The following STPG2 variants were observed in gnomAD, a reference collection of about 807,000 sequenced individuals.
STPG2 encodes sperm tail PG-rich repeat containing 2, also known as sperm-tail PG-rich repeat-containing protein 2.
A neutral mutation model predicts 54.2 loss-of-function variants in STPG2; 56 were observed. That is an observed-to-expected ratio of 1.03 (90% CI 0.83 to 1.29). STPG2 has a LOEUF of 1.29. Among genes scored for constraint, STPG2 ranks in the 50% most tolerant of loss-of-function variants. The pLI is 0.00. For synonymous variants in STPG2, 200 were observed against 181.8 expected, an observed-to-expected ratio of 1.10 and a Z score of -0.81; for missense variants, 596 against 544.9, an observed-to-expected ratio of 1.09 and a Z score of -0.93.
In STPG2 at chr4:98,103,345, A is replaced by G. The variant is rs925076063; in HGVS notation, c.612+2608T>C. On this transcript the variant is annotated intron_variant, in intron 5 of 10. Transcript: ENST00000295268. ...ACTAACCTATCATGACCATCTTTCT[A>G]TAAAAATATTTCAGGGCTGGGCGTG... Among the ~76,000 whole-genome samples the G allele has an allele frequency of 1.2e-4, 19 of 152,214 alleles. No individual in the cohort carries two copies. In the South Asian group the frequency reaches 3.7e-3, roughly 30 times the overall value.
intron 5 of STPG2, among the ~76,000 whole-genome samples, chr4:98,055,881 C>G (rs1371656948): frequency 6.6e-6 from 1 of 152,126 alleles, no homozygotes; most frequent in Non-Finnish European, 1.5e-5. Flanking sequence ...TTTGAATGCT[C>G]TGGGAGCCCA....
intron 4 of STPG2, among the ~76,000 whole-genome samples, chr4:97,450,144 C>T (rs894485009): frequency 1.2e-4 from 18 of 151,958 alleles, no homozygotes; most frequent in Middle Eastern, 3.4e-3. Context: ...CATATAAGTC[C>T]GATTGCTTAG....
intron 10 of STPG2, among the ~76,000 whole-genome samples, chr4:97,643,409 G>T (rs1235314334): frequency 6.6e-6 from 1 of 151,548 alleles, no homozygotes; most frequent in Non-Finnish European, 1.5e-5. Flanking sequence ...GCAGTTTCCT[G>T]ATGCATATCA....
chr4:97,696,375 A>C (rs1311013626), intron 10 of STPG2, among the ~76,000 whole-genome samples: 6 of 152,234 alleles, frequency 3.9e-5, no homozygotes, highest in Admixed American at 3.9e-4. Context: ...AAATAAACTC[A>C]AGATGGATCA....
At chr4:97,958,274 C>T (rs774672381) in intron 7 of STPG2, among the ~76,000 whole-genome samples, 1 of 151,460 alleles carries the variant, frequency 6.6e-6, no homozygotes, top group Non-Finnish European at 1.5e-5. Flanking sequence ...TGAGCCACTG[C>T]ACTCCAGCCT....
chr4:98,088,360 A>G (rs1738588113), intron 5 of STPG2, among the ~76,000 whole-genome samples: 1 of 152,028 alleles, frequency 6.6e-6, no homozygotes, highest in East Asian at 1.9e-4. Context: ...TCATTCACCA[A>G]ATGTTTAAAG....
At chr4:97,614,831 C>T (rs990530880) in intron 10 of STPG2, among the ~76,000 whole-genome samples, 1 of 152,098 alleles carries the variant, frequency 6.6e-6, no homozygotes, top group Non-Finnish European at 1.5e-5. Flanking sequence ...AAAGTTTTTG[C>T]TCAACTTTAA....
intron 2 of STPG2, among the ~76,000 whole-genome samples, chr4:98,128,944 G>A (rs1476857316): frequency 1.3e-5 from 2 of 152,028 alleles, no homozygotes; most frequent in South Asian, 2.1e-4. Context: ...ATGTTGGCCA[G>A]GCTGGTCTCG....
intron 5 of STPG2, chr4:98,025,801 G>A (rs189596109): frequency 1.6e-4 from 249 of 1,581,476 alleles, no homozygotes; most frequent in Admixed American, 1.3e-3. Context: ...ATGGTCCGCC[G>A]GGTGCCTTTA....
rs370101364 is a variant in STPG2, at chr4:98,100,682, T to G, written c.612+5271A>C. Among the ~76,000 whole-genome samples, 66 of 146,240 alleles carry G rather than the reference T, an allele frequency of 4.5e-4. 1 individual carries two copies. The East Asian group carries it at 8.0e-3, about 18-fold the overall frequency. On this transcript the variant is annotated intron_variant, in intron 5 of 10. Coordinates refer to ENST00000295268, the MANE Select transcript of STPG2 (RefSeq NM_174952.3). The stretch of plus-strand genomic sequence containing the variant: ...TCTTTCTTTTTTTTTTTTTTTTTTT[T>G]TTTTTGTTTTTGAGACAGAGTCTTG...
At chr4:97,646,522 G>C (rs987181547) in intron 10 of STPG2, among the ~76,000 whole-genome samples, 3 of 151,960 alleles carry the variant, frequency 2.0e-5, no homozygotes, top group Non-Finnish European at 4.4e-5. Context: ...TGGAAACCAG[G>C]AACATTAGGA....
At chr4:97,896,094 G>A (rs1018165210) in intron 8 of STPG2, among the ~76,000 whole-genome samples, 3 of 151,800 alleles carry the variant, frequency 2.0e-5, no homozygotes, top group Admixed American at 2.0e-4. Flanking sequence ...CCTCATGATA[G>A]TATAATGGCT....
chr4:97,785,390 T>A (rs558702043), intron 9 of STPG2, among the ~76,000 whole-genome samples: 1 of 152,182 alleles, frequency 6.6e-6, no homozygotes, highest in African/African-American at 2.4e-5. Flanking sequence ...CTTTACAGTG[T>A]CGTACCACTT....
At chr4:97,502,270 T>C (rs1730742085) in intron 4 of STPG2, among the ~76,000 whole-genome samples, 1 of 151,994 alleles carries the variant, frequency 6.6e-6, no homozygotes, top group African/African-American at 2.4e-5. Context: ...AATTAAATTA[T>C]TGTGCGTCCC....
At chr4:97,857,161 T>A (rs1348409766) in intron 8 of STPG2, among the ~76,000 whole-genome samples, 1 of 152,210 alleles carries the variant, frequency 6.6e-6, no homozygotes, top group East Asian at 1.9e-4. Context: ...ATCAGGATGG[T>A]TCTGGCCTCA....
intron 8 of STPG2, among the ~76,000 whole-genome samples, chr4:97,922,962 C>T (rs1560591493): frequency 6.6e-6 from 1 of 152,186 alleles, no homozygotes; most frequent in Non-Finnish European, 1.5e-5. Flanking sequence ...CTTTTCCCCT[C>T]TTTTCTCTAC....
At chr4:97,938,409 C>T (rs558702080) in intron 8 of STPG2, among the ~76,000 whole-genome samples, 6 of 123,500 alleles carry the variant, frequency 4.9e-5, no homozygotes, top group African/African-American at 1.8e-4. Context: ...GCTATCCCTC[C>T]CTCGGGGAGC....
chr4:97,601,341 T>C (rs1733455808), intron 10 of STPG2, among the ~76,000 whole-genome samples: 1 of 152,068 alleles, frequency 6.6e-6, no homozygotes, highest in South Asian at 2.1e-4. Context: ...AGACTTCTTC[T>C]AATATGTTAA....
chr4:97,944,819 A>G (rs942653801), intron 7 of STPG2, among the ~76,000 whole-genome samples: 1 of 152,152 alleles, frequency 6.6e-6, no homozygotes, highest in Non-Finnish European at 1.5e-5. Context: ...TATCTGTGAC[A>G]TGATCTGCCT....
Sources: gnomAD v4.1 joint callset for allele counts (sites outside exome capture counted in the v4.1 genomes callset) on GRCh38, gnomAD v4.1.1 for gene constraint, MANE v1.5 for transcripts, NCBI Gene and HGNC (gene_info 2026-07-23, HGNC 2026-07-21) for gene names.